Variants in TNRC6B observed in about 807,000 individuals in gnomAD.
TNRC6B encodes trinucleotide repeat-containing gene 6B protein.
Under a neutral mutation model 203.6 loss-of-function variants are expected in TNRC6B, and 52 were observed. The ratio of observed to expected loss-of-function variants is 0.26; its 90% confidence interval spans 0.20 to 0.32. The LOEUF is 0.32. Ranked by LOEUF, TNRC6B falls within the 10% of genes least tolerant of loss-of-function variation. The pLI is 1.00. For synonymous variants in TNRC6B, 838 were observed against 845.7 expected (o/e 0.99, Z 0.16); for missense variants, 1,923 against 2,286.2 (o/e 0.84, Z 3.24).
chr22:40,059,930 C>G (rs898488656), intron 1 of TNRC6B, among the ~76,000 whole-genome samples: 10 of 149,358 alleles, frequency 6.7e-5, no homozygotes, highest in Admixed American at 6.1e-4. Context: ...TCAAGCGATT[C>G]TCCTGCCTCA....
chr22:40,270,024 A>G (rs1418038147), intron 5 of TNRC6B, 98 bp from the exon 6 acceptor site: 4 of 1,183,678 alleles, frequency 3.4e-6, no homozygotes, highest in Non-Finnish European at 4.6e-6. Flanking sequence ...TTCTACCAAC[A>G]GAATATAGGC....
intron 1 of TNRC6B, among the ~76,000 whole-genome samples, chr22:40,231,701 G>A (rs1389639761): frequency 1.3e-5 from 2 of 152,144 alleles, no homozygotes; most frequent in Non-Finnish European, 2.9e-5. Context: ...GGAATCGAAG[G>A]TTCACACAAC....
chr22:40,228,215 G>C (rs927401550), intron 1 of TNRC6B, among the ~76,000 whole-genome samples: 8 of 152,030 alleles, frequency 5.3e-5, no homozygotes, highest in African/African-American at 1.9e-4. Flanking sequence ...ATCGCCTGAT[G>C]TTAGGAGATT....
rs982096884 is a variant in TNRC6B at position 40,326,027 on chromosome 22, TAAAAA to T, written c.*2792_*2796del. Reference sequence around the variant, plus strand: ...TTAAAGGGAAAAAAACTAAAAACTTTAAAAAAAAAAGACCAAAAAGTGCGTATATA... The same window carrying T: ...TTAAAGGGAAAAAAACTAAAAACTTTAAAAAGACCAAAAAGTGCGTATATA... On this transcript the variant is annotated 3_prime_UTR_variant, in exon 23 of 23. Coordinates refer to ENST00000454349, the MANE Select transcript of TNRC6B (RefSeq NM_001162501.2). The T allele has an allele frequency of 6.7e-6, 1 of 148,488 alleles. No individual in the cohort carries two copies. Among genetic ancestry groups the T allele is most frequent in the Non-Finnish European group, 1.5e-5 (1 of 66,694 alleles). 9.2% of individuals were successfully genotyped at this position (148,488 alleles called of 1,614,324 possible).
intron 3 of TNRC6B, among the ~76,000 whole-genome samples, chr22:40,152,451 T>C (rs1307522654): frequency 6.6e-6 from 1 of 152,152 alleles, no homozygotes; most frequent in Non-Finnish European, 1.5e-5. Flanking sequence ...CTCAGCCTCC[T>C]GCGTAGCTTG....
intron 1 of TNRC6B, among the ~76,000 whole-genome samples, chr22:40,201,712 A>C (rs1396961830): frequency 6.6e-6 from 1 of 152,058 alleles, no homozygotes; most frequent in Non-Finnish European, 1.5e-5. Context: ...GTTGTGAGCC[A>C]CCACACCCAG....
At chr22:40,122,955 G>C (rs1304820259) in intron 2 of TNRC6B, among the ~76,000 whole-genome samples, 1 of 152,154 alleles carries the variant, frequency 6.6e-6, no homozygotes, top group Non-Finnish European at 1.5e-5. Context: ...GGACTCTTCA[G>C]TGACGGCCAC....
intron 1 of TNRC6B, among the ~76,000 whole-genome samples, chr22:40,049,342 CCTTTT>C (rs1254303591): frequency 6.6e-6 from 1 of 151,864 alleles, no homozygotes; most frequent in African/African-American, 2.4e-5. Flanking sequence ...TAACTCTCTG[CCTTTT>C]CTTAAGTTTT....
intron 1 of TNRC6B, among the ~76,000 whole-genome samples, chr22:40,205,537 G>A (rs1443722965): frequency 6.6e-6 from 1 of 152,164 alleles, no homozygotes; most frequent in East Asian, 1.9e-4. Flanking sequence ...GGATCTAGGT[G>A]AAGTCCATTA....
intron 2 of TNRC6B, chr22:40,246,304 C>T: frequency 2.9e-6 from 1 of 340,374 alleles, no homozygotes. Context: ...ATGCTCCTCT[C>T]TCAGCCTCCT....
intron 3 of TNRC6B, among the ~76,000 whole-genome samples, chr22:40,136,370 C>CG (rs1282840629): frequency 2.2e-4 from 17 of 77,614 alleles, no homozygotes; most frequent in Middle Eastern, 0.01. Flanking sequence ...GTATGTTTAT[C>CG]TTGTGTGTGT....
chr22:40,090,747 A>G (rs1011768570), intron 1 of TNRC6B, among the ~76,000 whole-genome samples: 2 of 152,194 alleles, frequency 1.3e-5, no homozygotes, highest in Non-Finnish European at 2.9e-5. Context: ...GAAAAATCCT[A>G]TAAACAGTGA....
intron 1 of TNRC6B, among the ~76,000 whole-genome samples, chr22:40,046,613 AT>A (rs11300855): frequency 0.085 from 10,454 of 122,332 alleles, 1,274 homozygotes; most frequent in African/African-American, 0.28. Context: ...AAGCACTTAA[AT>A]TTTTTTTTTT....
intron 1 of TNRC6B, among the ~76,000 whole-genome samples, chr22:40,107,274 C>G (rs1002560166): frequency 1.3e-5 from 2 of 152,086 alleles, no homozygotes; most frequent in Non-Finnish European, 2.9e-5. Flanking sequence ...TACAGTTCAC[C>G]TGGAATTTGA....
intron 1 of TNRC6B, chr22:40,106,322 G>C (rs981137105): frequency 3.0e-5 from 24 of 798,390 alleles, no homozygotes; most frequent in African/African-American, 2.8e-4. Context: ...AGACACCTTA[G>C]TTTATTCTTC....
intron 4 of TNRC6B, among the ~76,000 whole-genome samples, chr22:40,163,557 G>A (rs984493383): frequency 1.3e-4 from 19 of 149,666 alleles, no homozygotes; most frequent in African/African-American, 4.7e-4. Flanking sequence ...GAGGTCAGGA[G>A]TTCAAGACCA....
intron 1 of TNRC6B, among the ~76,000 whole-genome samples, chr22:40,048,365 C>A (rs1371731015): frequency 6.6e-6 from 1 of 151,940 alleles, no homozygotes; most frequent in Non-Finnish European, 1.5e-5. Flanking sequence ...ATGGTGAAAC[C>A]CCGTCTCTAC....
chr22:40,204,243 GGA>G (rs1366021418), intron 1 of TNRC6B, among the ~76,000 whole-genome samples: 2 of 152,226 alleles, frequency 1.3e-5, no homozygotes, highest in Non-Finnish European at 2.9e-5. Context: ...TATAGGAAAA[GGA>G]GGTATAGGGC....
intron 1 of TNRC6B, among the ~76,000 whole-genome samples, chr22:40,105,092 G>A (rs1456554067): frequency 6.6e-6 from 1 of 152,236 alleles, no homozygotes; most frequent in Non-Finnish European, 1.5e-5. Flanking sequence ...ACACGATTGA[G>A]AGCAAGTGTG....
Sources: allele counts gnomAD v4.1 joint callset (sites outside exome capture counted in the v4.1 genomes callset), GRCh38; gene constraint gnomAD v4.1.1; transcripts MANE v1.5; gene names NCBI Gene and HGNC (gene_info 2026-07-23, HGNC 2026-07-21).